Variants in MRPL14 observed in about 807,000 individuals in gnomAD.
MRPL14 encodes the protein large ribosomal subunit protein uL14m.
Under a neutral mutation model 10.9 loss-of-function variants are expected in MRPL14, and 8 were observed. The ratio of observed to expected loss-of-function variants is 0.74; its 90% CI spans 0.43 to 1.33. MRPL14 has a LOEUF of 1.33. Among genes scored for constraint, MRPL14 ranks in the 40% most tolerant of loss-of-function variants. The probability of loss-of-function intolerance (pLI) is 0.01; values close to 1 mark genes in which losing one functional copy is unlikely to be tolerated. For synonymous variants in MRPL14, 82 were observed against 74.1 expected (o/e 1.11, Z -0.54); for missense variants, 179 against 194.5 (o/e 0.92, Z 0.47).
intron 1 of MRPL14, among the ~76,000 whole-genome samples, chr6:44,124,889 C>T (rs1033643658): frequency 2.6e-5 from 4 of 152,220 alleles, no homozygotes; most frequent in Admixed American, 2.6e-4. Context: ...CCCCTACAGC[C>T]CTAAGAACTA....
chr6:44,116,205 A>T (rs974284250), intron 2 of MRPL14, among the ~76,000 whole-genome samples: 51 of 152,230 alleles, frequency 3.4e-4, no homozygotes, highest in East Asian at 1.9e-4. Flanking sequence ...TTTTGTAATT[A>T]AAAAAATTCC....
rs1422288399 is a variant in MRPL14 at position 44,127,422 on chromosome 6, G to T, written c.-97C>A. Reference sequence around the variant, plus strand: ...CTTCGCCCCACGCGGCCTCTTCCTAGCGCCTGCGCGCCAGGCCCAGCCCGG... The same window carrying T: ...CTTCGCCCCACGCGGCCTCTTCCTATCGCCTGCGCGCCAGGCCCAGCCCGG... On this transcript the variant is annotated 5_prime_UTR_variant, in exon 1 of 3. Transcript: ENST00000372014. The T allele has an allele frequency of 2.0e-5, 3 of 152,186 alleles. No individual in the cohort carries two copies. The highest frequency in any genetic ancestry group is 7.2e-5 in the African/African-American group (3 of 41,472). 9.4% of individuals were successfully genotyped at this position (152,186 alleles called of 1,614,324 possible).
Position 44,113,959 on chromosome 6 carries a change from T to C in MRPL14, c.322A>G (p.Ile108Val). The C allele has an allele frequency of 6.2e-7, 1 of 1,613,972 alleles. No individual in the cohort carries two copies. The highest frequency in any genetic ancestry group is 8.5e-7 in the Non-Finnish European group (1 of 1,179,880). ...PRFDSNNVVL[I>V]EDNGNPVGTR... ...CCCACAGGGTTCCCGTTGTCCTCAA[T>C]GAGGACCACGTTGTTGGAGTCGAAT... The change falls in exon 3 of 3, where the codon ATT becomes GTT. Residue 108 changes from isoleucine (I) to valine (V), a missense_variant. By Grantham distance (29) the Ile-to-Val change is conservative. Coordinates refer to ENST00000372014, the MANE Select transcript of MRPL14 (RefSeq NM_032111.4).
intron 1 of MRPL14, among the ~76,000 whole-genome samples, chr6:44,120,001 T>C (rs1776242938): frequency 6.6e-6 from 1 of 151,938 alleles, no homozygotes; most frequent in Non-Finnish European, 1.5e-5. Flanking sequence ...AGAACTTTCT[T>C]GACTCAGGTA....
intron 1 of MRPL14, among the ~76,000 whole-genome samples, chr6:44,117,695 G>T (rs1213249445): frequency 6.6e-6 from 1 of 151,942 alleles, no homozygotes; most frequent in Non-Finnish European, 1.5e-5. Flanking sequence ...GACAAGTCTT[G>T]CTCTGTCACC....
rs751402548 is a variant in MRPL14 at position 44,113,898 on chromosome 6, C to A, written c.383G>T (p.Arg128Leu). The change falls in exon 3 of 3, where the codon CGC becomes CTC. Residue 128 changes from arginine to leucine, a missense_variant. Transcript: ENST00000372014. Reference sequence around the variant, plus strand: ...CTTGGAATACTCGCCTTCCCGCTTGCGCAGGCTGGTGGGGATGGGTGTCTT... The same window carrying A: ...CTTGGAATACTCGCCTTCCCGCTTGAGCAGGCTGGTGGGGATGGGTGTCTT... ...RIKTPIPTSLRKREGEYSKVL... is the reference protein window; with the variant it reads ...RIKTPIPTSLLKREGEYSKVL... 6.2e-7 allele frequency: 1 copy of A among 1,601,916 alleles called. No homozygotes were observed. The highest frequency in any genetic ancestry group is 1.7e-5 in the Admixed American group (1 of 59,488).
Position 44,114,136 on chromosome 6 carries a change from T to C in MRPL14, c.145A>G (p.Ser49Gly), listed in dbSNP as rs562946959. 1.3e-4 allele frequency: 215 copies of C among 1,614,180 alleles called. 5 individuals carry two copies. In the South Asian group the frequency reaches 2.3e-3, roughly 17 times the overall value. ...RVVDNSALGN[S>G]PYHRAPRCIH... ...CAGCGAGGAGCCCGATGGTATGGGC[T>C]GTTCCCCAGGGCACTGTTGTCCACC... The change falls in exon 3 of 3, where the codon AGC (serine) becomes GGC (glycine). Residue 49 changes from serine to glycine, a missense_variant. Ser to Gly is a moderately conservative substitution (Grantham distance 56, BLOSUM62 0). Coordinates refer to ENST00000372014, the MANE Select transcript of MRPL14 (RefSeq NM_032111.4).
At chr6:44,114,639 C>T (rs1196157240) in intron 2 of MRPL14, among the ~76,000 whole-genome samples, 1 of 152,162 alleles carries the variant, frequency 6.6e-6, no homozygotes, top group African/African-American at 2.4e-5. Context: ...GACGGAGTCT[C>T]GCTCTGTCGC....
At chr6:44,125,585 G>A (rs4714749) in intron 1 of MRPL14, among the ~76,000 whole-genome samples, 20,935 of 141,738 alleles carry the variant, frequency 0.15, 1,588 homozygotes, top group Middle Eastern at 0.22. Context: ...GATCCCAGGA[G>A]AAGCTGCAGT....
intron 1 of MRPL14, among the ~76,000 whole-genome samples, chr6:44,124,885 C>T (rs1377266965): frequency 6.6e-6 from 1 of 152,182 alleles, no homozygotes; most frequent in Non-Finnish European, 1.5e-5. Context: ...ACCCCCCCTA[C>T]AGCCCTAAGA....
rs1775593496 is a variant in MRPL14, at chr6:44,114,040, T to C, written c.241A>G (p.Lys81Glu). Residue 81 changes from lysine to glutamate, a missense_variant, in exon 3 of 3, where the codon AAG (lysine) becomes GAG (glutamate). Coordinates refer to ENST00000372014, the MANE Select transcript of MRPL14 (RefSeq NM_032111.4). ...TGCCCCACAATGAGCGCCTTTTTCT[T>C]CTGTCCCTTGATGGCCAGTAGTATC... is the stretch of plus-strand genomic sequence containing the variant. ...DQILLAIKGQ[K>E]KKALIVGHCM... 1 of 1,614,098 alleles carries C rather than the reference T, an allele frequency of 6.2e-7. No individual in the cohort carries two copies. Among genetic ancestry groups the C allele is most frequent in the African/African-American group, 1.3e-5 (1 of 74,914 alleles).
rs372325152 is a variant in MRPL14, at chr6:44,120,931, T to C, written c.-18-4302A>G. ...GCCCGTGCTTTGTTTCCAGGCCCCCTGGACTCACCTCCTGGGCCTGGTGCC... is the reference window on the plus strand; with the variant it reads ...GCCCGTGCTTTGTTTCCAGGCCCCCCGGACTCACCTCCTGGGCCTGGTGCC... On this transcript the variant is annotated intron_variant, in intron 1 of 2. Transcript: ENST00000372014. Among the ~76,000 whole-genome samples, 13 of 152,314 alleles carry C rather than the reference T, an allele frequency of 8.5e-5. No individual in the cohort carries two copies. In the South Asian group the frequency reaches 1.0e-3, roughly 12 times the overall value.
chr6:44,124,882 C>G (rs1221250875), intron 1 of MRPL14, among the ~76,000 whole-genome samples: 1 of 152,172 alleles, frequency 6.6e-6, no homozygotes, highest in Non-Finnish European at 1.5e-5. Flanking sequence ...GAGACCCCCC[C>G]TACAGCCCTA....
Position 44,116,605 on chromosome 6 carries a change from A to C in MRPL14, c.7T>G (p.Phe3Val). 3 of 1,614,160 alleles carry C rather than the reference A, an allele frequency of 1.9e-6. No homozygotes were observed. Among genetic ancestry groups the C allele is most frequent in the Non-Finnish European group, 2.5e-6 (3 of 1,179,982 alleles). The stretch of plus-strand genomic sequence containing the variant: ...AAGGGGCCCCAGAGCCCAGTAAAGA[A>C]AGCCATGGGATCCCAAGATAGATCC... Reference protein sequence around the residue: MAFFTGLWGPFTC... With the variant: MAVFTGLWGPFTC... The change falls in exon 2 of 3, where the codon TTC becomes GTC. Residue 3 changes from phenylalanine (F) to valine (V), a missense_variant. Physicochemically the swap from Phe to Val is conservative, Grantham distance 50. Coordinates refer to ENST00000372014, the MANE Select transcript of MRPL14 (RefSeq NM_032111.4).
At chr6:44,121,174 G>A (rs1437266492) in intron 1 of MRPL14, among the ~76,000 whole-genome samples, 1 of 152,070 alleles carries the variant, frequency 6.6e-6, no homozygotes, top group Admixed American at 6.6e-5. Flanking sequence ...TCTGGATCTT[G>A]TGCACAGGAG....
rs548119581 is a variant in MRPL14, at chr6:44,116,308, G to C, written c.71+233C>G. On this transcript the variant is annotated intron_variant, in intron 2 of 2. Transcript: ENST00000372014. Reference sequence around the variant, plus strand: ...GTCTTGCAAGGACTGAAGAGTAAAAGCTTCCGCCATATGCCATTCCCCATC... The same window carrying C: ...GTCTTGCAAGGACTGAAGAGTAAAACCTTCCGCCATATGCCATTCCCCATC... 3.9e-5 allele frequency among the ~76,000 whole-genome samples: 6 copies of C among 152,334 alleles called. No individual in the cohort carries two copies. In the South Asian group the frequency reaches 1.2e-3, roughly 32 times the overall value.
intron 2 of MRPL14, among the ~76,000 whole-genome samples, chr6:44,115,360 C>T (rs1187760897): frequency 6.6e-6 from 1 of 152,176 alleles, no homozygotes; most frequent in East Asian, 1.9e-4. Context: ...CCAAACTCAT[C>T]TCACTGCCTC....
At chr6:44,115,224 A>G (rs968383915) in intron 2 of MRPL14, among the ~76,000 whole-genome samples, 2 of 151,974 alleles carry the variant, frequency 1.3e-5, no homozygotes, top group Non-Finnish European at 2.9e-5. Flanking sequence ...CTTACCCATT[A>G]GCATTGCTGC....
chr6:44,116,393 A>C, intron 2 of MRPL14, 148 bp downstream of exon 2: 1 of 745,536 alleles, frequency 1.3e-6, no homozygotes, highest in South Asian at 1.7e-5. Context: ...CAGACCAACC[A>C]GGCCAGCTCA....
Sources: gnomAD v4.1 joint callset for allele counts (sites outside exome capture counted in the v4.1 genomes callset) on GRCh38, gnomAD v4.1.1 for gene constraint, MANE v1.5 for transcripts, NCBI Gene and HGNC (gene_info 2026-07-23, HGNC 2026-07-21) for gene names.